The following NELL1 variants were observed in gnomAD, a reference collection of about 807,000 sequenced individuals.
The protein encoded by NELL1 is neural EGFL like 1.
A neutral mutation model predicts 107.4 loss-of-function variants in NELL1; 76 were observed. The observed-to-expected ratio is 0.71, with a 90% CI of 0.59 to 0.86. The LOEUF (loss-of-function observed/expected upper bound fraction) is 0.86. Ranked by LOEUF, NELL1 falls within the 40% of genes least tolerant of loss-of-function variation. The pLI is 0.00. For synonymous variants in NELL1, 353 were observed against 341.2 expected, an observed-to-expected ratio of 1.03 and a Z score of -0.38; for missense variants, 1,024 against 1,005.5, an observed-to-expected ratio of 1.02 and a Z score of -0.25.
At chr11:21,229,162 A>T (rs1857975870) in intron 13 of NELL1, among the ~76,000 whole-genome samples, 170 bp from the exon 14 acceptor site, 1 of 152,182 alleles carries the variant, frequency 6.6e-6, no homozygotes, top group Non-Finnish European at 1.5e-5. Flanking sequence ...GGATAATAAC[A>T]TCTTTCTTTC....
intron 12 of NELL1, among the ~76,000 whole-genome samples, chr11:21,092,568 G>A (rs777147218): frequency 6.6e-6 from 1 of 152,096 alleles, no homozygotes; most frequent in Non-Finnish European, 1.5e-5. Context: ...ATGCCCCCTA[G>A]AGAGGAGAAA....
chr11:21,315,862 TG>T lies in NELL1; in HGVS notation c.1550-54989del, dbSNP rs1302812366. On this transcript the variant is annotated intron_variant, in intron 14 of 19. Coordinates refer to ENST00000357134, the MANE Select transcript of NELL1 (RefSeq NM_006157.5). ...AAGGAATGACTTTATTTGAATGTGT[TG>T]GTGGTGGTGGTGGTGGTGGTGGTGT... is the stretch of plus-strand genomic sequence containing the variant. Among the ~76,000 whole-genome samples the T allele has an allele frequency of 3.3e-3, 106 of 31,914 alleles. 3 individuals are homozygous for T. The highest frequency in any genetic ancestry group is 7.8e-4 in the Non-Finnish European group (12 of 15,444). 20.9% of individuals were successfully genotyped at this position (31,914 alleles called of 152,430 possible). A position where few individuals can be genotyped will look rare whatever the true frequency, so the allele number is the denominator to read the frequency against.
chr11:20,885,306 T>G, intron 4 of NELL1, 138 bp from the exon 5 acceptor site: 1 of 613,870 alleles, frequency 1.6e-6, no homozygotes, highest in Non-Finnish European at 3.0e-6. Flanking sequence ...ACATTCATGT[T>G]ATCTGTCATG....
intron 12 of NELL1, among the ~76,000 whole-genome samples, chr11:21,081,530 T>C (rs149549678): frequency 6.6e-6 from 1 of 152,262 alleles, no homozygotes; most frequent in East Asian, 1.9e-4. Flanking sequence ...TCTAACTTTC[T>C]ACTCTAAATA....
intron 4 of NELL1, among the ~76,000 whole-genome samples, chr11:20,850,190 A>C (rs1029701179): frequency 6.6e-6 from 1 of 152,222 alleles, no homozygotes; most frequent in Non-Finnish European, 1.5e-5. Flanking sequence ...GAACTTGCCA[A>C]CTTTACAGTA....
chr11:21,437,670 C>G (rs1024000057), intron 15 of NELL1, among the ~76,000 whole-genome samples: 1 of 152,156 alleles, frequency 6.6e-6, no homozygotes, highest in Non-Finnish European at 1.5e-5. Context: ...AGCTTCATCT[C>G]TTTTCATGTT....
At chr11:21,524,209 G>T (rs1855795373) in intron 15 of NELL1, among the ~76,000 whole-genome samples, 2 of 152,140 alleles carry the variant, frequency 1.3e-5, no homozygotes, top group Non-Finnish European at 2.9e-5. Context: ...TTTACTGTGG[G>T]TATGTTATTT....
At chr11:21,241,904 A>AT (rs10652603) in intron 14 of NELL1, among the ~76,000 whole-genome samples, 71,540 of 133,958 alleles carry the variant, frequency 0.53, 20,648 homozygotes, top group Non-Finnish European at 0.65. Context: ...GTCTGTTTCT[A>AT]TTTTTTTTTT....
intron 16 of NELL1, among the ~76,000 whole-genome samples, chr11:21,548,243 G>A (rs926930853): frequency 6.6e-6 from 1 of 151,874 alleles, no homozygotes; most frequent in Non-Finnish European, 1.5e-5. Context: ...ATAGAGGCAT[G>A]ATTTAATCAT....
rs1853842901 is a variant in NELL1 at position 20,669,634 on chromosome 11, C to T, written c.-90C>T. ...CCCCGCCGCCCGCTAGCAAGTTTGGCGGCTCCAAGCCAGGCGCGCCTCAGG... is the reference window on the plus strand; with the variant it reads ...CCCCGCCGCCCGCTAGCAAGTTTGGTGGCTCCAAGCCAGGCGCGCCTCAGG... On this transcript the variant is annotated 5_prime_UTR_variant, in exon 1 of 20. Coordinates refer to ENST00000357134, the MANE Select transcript of NELL1 (RefSeq NM_006157.5). This position sits in a 1 kb window ranked among gnomAD's most constrained non-coding sequence, Gnocchi z 4.4. The T allele has an allele frequency of 3.5e-6, 4 of 1,153,332 alleles. No individual in the cohort carries two copies. The highest frequency in any genetic ancestry group is 3.8e-6 in the Non-Finnish European group (3 of 781,934). 71.4% of individuals were successfully genotyped at this position (1,153,332 alleles called of 1,614,324 possible). A position where few individuals can be genotyped will look rare whatever the true frequency, so the allele number is the denominator to read the frequency against.
chr11:21,014,709 T>C (rs919870385), intron 12 of NELL1, among the ~76,000 whole-genome samples: 3 of 152,110 alleles, frequency 2.0e-5, no homozygotes, highest in Admixed American at 1.3e-4. Flanking sequence ...GGTGCTATGT[T>C]AGCTGCCCAA....
intron 12 of NELL1, among the ~76,000 whole-genome samples, chr11:21,105,476 A>G (rs889974804): frequency 6.6e-6 from 1 of 152,116 alleles, no homozygotes; most frequent in African/African-American, 2.4e-5. Flanking sequence ...GGCCATTGCC[A>G]TGTTGCCTGC....
At chr11:21,329,559 A>G (rs1028230054) in intron 14 of NELL1, among the ~76,000 whole-genome samples, 7 of 152,190 alleles carry the variant, frequency 4.6e-5, no homozygotes, top group South Asian at 2.1e-4. Flanking sequence ...TGTAATAGCA[A>G]CTAGAATCTA....
chr11:21,202,335 T>G (rs1857288837), intron 13 of NELL1, among the ~76,000 whole-genome samples: 1 of 152,228 alleles, frequency 6.6e-6, no homozygotes, highest in African/African-American at 2.4e-5. Flanking sequence ...GGATTAAACT[T>G]CTTCCTGATT....
chr11:20,981,405 G>A (rs923497894), intron 12 of NELL1, among the ~76,000 whole-genome samples: 1 of 152,238 alleles, frequency 6.6e-6, no homozygotes, highest in South Asian at 2.1e-4. Context: ...AGACTGAGCA[G>A]GAGATGATAT....
At chr11:20,989,730 C>T (rs147004774) in intron 12 of NELL1, among the ~76,000 whole-genome samples, 39 of 152,188 alleles carry the variant, frequency 2.6e-4, no homozygotes, top group African/African-American at 9.1e-4. Context: ...TGGTGGCTCA[C>T]ACCTGTAATC....
chr11:21,114,662 A>G (rs1487345613), intron 13 of NELL1, among the ~76,000 whole-genome samples: 3 of 151,942 alleles, frequency 2.0e-5, no homozygotes, highest in Admixed American at 6.6e-5. Context: ...TTTATAAGTT[A>G]CTATTCTTTG....
rs75965641 is a variant in NELL1, at chr11:21,175,440, A to G, written c.1427-53892A>G. ...TGAGAAGGGATTTCTGGCAAAGCAT[A>G]CTTAATCACTGTAAATATTTCCTGT... On this transcript the variant is annotated intron_variant, in intron 13 of 19. Transcript: ENST00000357134. Among the ~76,000 whole-genome samples the G allele has an allele frequency of 2.0e-3, 303 of 151,992 alleles. 10 individuals are homozygous for G. The highest frequency in any genetic ancestry group is 6.8e-3 in the African/African-American group (281 of 41,280).
intron 15 of NELL1, among the ~76,000 whole-genome samples, chr11:21,409,430 G>A (rs1490980197): frequency 6.6e-6 from 1 of 151,904 alleles, no homozygotes; most frequent in Non-Finnish European, 1.5e-5. Context: ...GAGGACTGTT[G>A]TGGGGTTGGG....
Sources: allele counts gnomAD v4.1 joint callset (sites outside exome capture counted in the v4.1 genomes callset), GRCh38; gene constraint gnomAD v4.1.1; non-coding constraint Gnocchi (gnomAD v3.1); transcripts MANE v1.5; gene names NCBI Gene and HGNC (gene_info 2026-07-23, HGNC 2026-07-21).